TENM3: variants seen among roughly 807,000 people sequenced by gnomAD.
TENM3 encodes the protein teneurin-3.
A neutral mutation model predicts 255.1 loss-of-function variants in TENM3; 63 were observed. The observed-to-expected ratio is 0.25, with a 90% CI of 0.20 to 0.30. The LOEUF (loss-of-function observed/expected upper bound fraction) is 0.30, where lower values mean the gene tolerates loss of function less well. Among genes scored for constraint, TENM3 ranks in the 10% least tolerant of loss-of-function variants. The pLI, the probability that TENM3 is intolerant of heterozygous loss-of-function variation, is 1.00. For synonymous variants in TENM3, 1,306 were observed against 1,322.3 expected, an observed-to-expected ratio of 0.99 and a Z score of 0.27; for missense variants, 2,929 against 3,461.1, an observed-to-expected ratio of 0.85 and a Z score of 3.86.
intron 26 of TENM3, 50 bp from the exon 27 acceptor site, chr4:182,796,587 A>G: frequency 6.8e-7 from 1 of 1,465,840 alleles, no homozygotes; most frequent in Non-Finnish European, 9.1e-7. Flanking sequence ...AAATTTATGA[A>G]AGGACAAAAC....
At chr4:182,269,866 T>C (rs148517582) in intron 1 of TENM3, among the ~76,000 whole-genome samples, 59 of 152,168 alleles carry the variant, frequency 3.9e-4, no homozygotes, top group African/African-American at 1.4e-3. Flanking sequence ...TGGCTCACAG[T>C]TTTGTTTTAT....
chr4:182,125,580 G>T, the TENM3 span, among the ~76,000 whole-genome samples: 1 of 152,116 alleles, frequency 6.6e-6, no homozygotes, highest in African/African-American at 2.4e-5. Context: ...TCTGTGGAAT[G>T]GTGATGATAA....
chr4:182,559,332 A>G (rs1440861082), intron 3 of TENM3, among the ~76,000 whole-genome samples: 4 of 151,706 alleles, frequency 2.6e-5, no homozygotes, highest in Non-Finnish European at 5.9e-5. Context: ...TTGCCCTAAC[A>G]CTGCTGAAAG....
At chr4:182,082,775 T>C in the TENM3 span, among the ~76,000 whole-genome samples, 1 of 152,210 alleles carries the variant, frequency 6.6e-6, no homozygotes, top group South Asian at 2.1e-4. Context: ...AGCCTAGTGT[T>C]TCAAGAAATG....
chr4:182,103,681 CT>C, the TENM3 span, among the ~76,000 whole-genome samples: 1 of 152,170 alleles, frequency 6.6e-6, no homozygotes, highest in African/African-American at 2.4e-5. Context: ...CTTCATCCAA[CT>C]TCAGAAAAAC....
At chr4:182,331,622 T>G (rs1467092092) in intron 2 of TENM3, among the ~76,000 whole-genome samples, 1 of 152,208 alleles carries the variant, frequency 6.6e-6, no homozygotes, top group Non-Finnish European at 1.5e-5. Flanking sequence ...TTGGTATTTT[T>G]AAGACATACA....
chr4:182,207,066 T>A (rs1754632707), intron 1 of TENM3, among the ~76,000 whole-genome samples: 2 of 152,164 alleles, frequency 1.3e-5, no homozygotes, highest in African/African-American at 2.4e-5. Flanking sequence ...TAAGTACTTA[T>A]TACAGGAACC....
chr4:182,070,710 C>G, the TENM3 span, among the ~76,000 whole-genome samples: 1 of 152,064 alleles, frequency 6.6e-6, no homozygotes, highest in Non-Finnish European at 1.5e-5. Flanking sequence ...ATCTAAGAAG[C>G]CAGGTTAATA....
chr4:181,927,567 C>T, the TENM3 span, among the ~76,000 whole-genome samples: 1 of 152,216 alleles, frequency 6.6e-6, no homozygotes, highest in African/African-American at 2.4e-5. Flanking sequence ...GGACAGAGCA[C>T]CTGGGGGAAG....
the TENM3 span, among the ~76,000 whole-genome samples, chr4:182,063,856 T>C: frequency 6.6e-6 from 1 of 152,154 alleles, no homozygotes; most frequent in Non-Finnish European, 1.5e-5. Flanking sequence ...AAATGAAGAC[T>C]CTTCCAGGCC....
chr4:181,842,333 T>A, the TENM3 span, among the ~76,000 whole-genome samples: 2 of 152,172 alleles, frequency 1.3e-5, no homozygotes, highest in Non-Finnish European at 2.9e-5. Context: ...TTTATTGATA[T>A]CTATTTTACC....
intron 22 of TENM3, among the ~76,000 whole-genome samples, chr4:182,768,087 A>G (rs1481746056): frequency 4.6e-5 from 7 of 152,228 alleles, no homozygotes; most frequent in African/African-American, 1.4e-4. Flanking sequence ...TGGACTGACA[A>G]TCCACAGAAG....
chr4:182,034,672 G>A, the TENM3 span, among the ~76,000 whole-genome samples: 1 of 152,102 alleles, frequency 6.6e-6, no homozygotes, highest in Non-Finnish European at 1.5e-5. Context: ...GAAATTTTGG[G>A]TTGGAAATTA....
chr4:181,542,504 T>C, the TENM3 span, among the ~76,000 whole-genome samples: 5 of 152,144 alleles, frequency 3.3e-5, no homozygotes, highest in East Asian at 7.7e-4. Context: ...CCTGTTAATA[T>C]TGCAGTTGCT....
chr4:181,640,567 T>G, the TENM3 span, among the ~76,000 whole-genome samples: 1 of 152,182 alleles, frequency 6.6e-6, no homozygotes, highest in South Asian at 2.1e-4. Flanking sequence ...TTTATCATAC[T>G]TATGCATGAT....
intron 3 of TENM3, among the ~76,000 whole-genome samples, chr4:182,437,578 T>A (rs1772140006): frequency 6.6e-6 from 1 of 151,986 alleles, no homozygotes; most frequent in South Asian, 2.1e-4. Context: ...GGCAGATCAC[T>A]CGAGGTCAAG....
At chr4:182,088,600 C>T in the TENM3 span, among the ~76,000 whole-genome samples, 6 of 152,028 alleles carry the variant, frequency 3.9e-5, no homozygotes, top group African/African-American at 1.2e-4. Flanking sequence ...TTTGGGAGGC[C>T]GAGGCGGGCG....
the TENM3 span, among the ~76,000 whole-genome samples, chr4:181,556,717 G>C: frequency 1.3e-5 from 2 of 152,066 alleles, no homozygotes; most frequent in Admixed American, 1.3e-4. Flanking sequence ...CAGAAGCGTT[G>C]ATGCATTTTT....
intron 12 of TENM3, among the ~76,000 whole-genome samples, chr4:182,705,286 G>A (rs116796116): frequency 8.1e-4 from 123 of 152,268 alleles, no homozygotes; most frequent in Non-Finnish European, 1.5e-3. Context: ...TTAAGTCCGT[G>A]TTCGGAAGTA....
Sources: allele counts gnomAD v4.1 joint callset (sites outside exome capture counted in the v4.1 genomes callset), GRCh38; gene constraint gnomAD v4.1.1; transcripts MANE v1.5; gene names NCBI Gene and HGNC (gene_info 2026-07-23, HGNC 2026-07-21).